LAMC2: variants seen among roughly 807,000 people sequenced by gnomAD.
The protein encoded by LAMC2 is laminin subunit gamma 2, also known as laminin subunit gamma-2.
Under a neutral mutation model 140.2 loss-of-function variants are expected in LAMC2, and 97 were observed. The ratio of observed to expected loss-of-function variants is 0.69; its 90% confidence interval spans 0.59 to 0.82. The LOEUF is 0.82. Ranked by LOEUF, LAMC2 falls within the 40% of genes least tolerant of loss-of-function variation. LAMC2 has a pLI of 0.00. For missense variants in LAMC2, 1,402 were observed against 1,476.1 expected (o/e 0.95, Z 0.82); for synonymous variants, 513 against 540.2 (o/e 0.95, Z 0.70).
intron 2 of LAMC2, among the ~76,000 whole-genome samples, chr1:183,208,350 C>G (rs1218066886): frequency 1.3e-5 from 2 of 152,114 alleles, no homozygotes; most frequent in Non-Finnish European, 2.9e-5. Flanking sequence ...GTCTTGAATT[C>G]TAATACAAAG....
At chr1:183,246,232 G>C (rs1660240586), downstream of LAMC2, among the ~76,000 whole-genome samples, 1 of 151,742 alleles carries the variant, frequency 6.6e-6, no homozygotes, top group Non-Finnish European at 1.5e-5. Context: ...TGATACCTGA[G>C]GAGAGATGGG....
chr1:183,188,629 T>C (rs545044034), intron 1 of LAMC2, among the ~76,000 whole-genome samples: 6 of 152,198 alleles, frequency 3.9e-5, no homozygotes, highest in Non-Finnish European at 8.8e-5. Flanking sequence ...GGATGAACAA[T>C]TACTGTAAAG....
intron 1 of LAMC2, among the ~76,000 whole-genome samples, chr1:183,202,223 CAAA>C (rs199561774): frequency 8.4e-5 from 12 of 142,386 alleles, no homozygotes; most frequent in South Asian, 2.2e-4. Flanking sequence ...ACAACAACAA[CAAA>C]AAAAAAAAAA....
chr1:183,224,378 C>T (rs1256061989), intron 7 of LAMC2, among the ~76,000 whole-genome samples: 1 of 152,156 alleles, frequency 6.6e-6, no homozygotes, highest in East Asian at 1.9e-4. Flanking sequence ...CCTTGTGTGT[C>T]ATGTCAAGGA....
At chr1:183,217,378 CAAACA>C (rs1018182995) in intron 3 of LAMC2, among the ~76,000 whole-genome samples, 6 of 151,568 alleles carry the variant, frequency 4.0e-5, no homozygotes, top group Admixed American at 2.6e-4. Context: ...AACAAACAAA[CAAACA>C]AAAGTCTATT....
the LAMC2 span, among the ~76,000 whole-genome samples, chr1:183,257,816 T>C: frequency 6.6e-6 from 1 of 151,962 alleles, no homozygotes; most frequent in Admixed American, 6.6e-5. Flanking sequence ...CAACTCTTCA[T>C]TTTATTAATT....
At chr1:183,188,463 GTTGGGCTCAGCTAAAGCACAGGC>G in intron 1 of LAMC2, among the ~76,000 whole-genome samples, 1 of 152,296 alleles carries the variant, frequency 6.6e-6, no homozygotes, top group African/African-American at 2.4e-5. Context: ...AGACTTCAGG[GTTGGGCTCAGCTAAAGCACAGGC>G]TTTAGAGTCA....
chr1:183,256,018 G>A, the LAMC2 span, among the ~76,000 whole-genome samples: 1 of 152,132 alleles, frequency 6.6e-6, no homozygotes. Flanking sequence ...AGTGGGAATA[G>A]TGGGCATTCT....
downstream of LAMC2, among the ~76,000 whole-genome samples, chr1:183,245,722 G>A (rs539929679): frequency 7.9e-5 from 12 of 152,338 alleles, no homozygotes; most frequent in East Asian, 1.7e-3. Flanking sequence ...TCTACATTAT[G>A]AAAGGAGAAA....
chr1:183,251,590 T>C, the LAMC2 span: 1 of 152,748 alleles, frequency 6.5e-6, no homozygotes, highest in Admixed American at 6.5e-5. Flanking sequence ...GGAATGTGTC[T>C]AAGCATGGCC....
rs762462840 is a variant in LAMC2 at position 183,238,439 on chromosome 1, C to T, written c.2869+18C>T. ...CCTCAGAGGTTAGTACTTCATGGTTCAGGTCACTTGAGTATTTTAAGTGTA... is the reference window on the plus strand; with the variant it reads ...CCTCAGAGGTTAGTACTTCATGGTTTAGGTCACTTGAGTATTTTAAGTGTA... On this transcript the variant is annotated intron_variant, in intron 19 of 22. Coordinates refer to ENST00000264144, the MANE Select transcript of LAMC2 (RefSeq NM_005562.3). 2.5e-5 allele frequency: 39 copies of T among 1,529,968 alleles called. No homozygotes were observed. Among genetic ancestry groups the T allele is most frequent in the Non-Finnish European group, 3.4e-5 (38 of 1,103,156 alleles). The allele number at this position is 1,529,968 out of a possible 1,614,324, so 94.8% of individuals were successfully genotyped here. A position where few individuals can be genotyped will look rare whatever the true frequency, so the allele number is the denominator to read the frequency against.
At chr1:183,250,283 C>CG in the LAMC2 span, 2 of 152,274 alleles carry the variant, frequency 1.3e-5, no homozygotes, top group Non-Finnish European at 2.9e-5. Flanking sequence ...CACAAAGCAA[C>CG]TCTTTCTTGG....
At position 183,235,680 on chromosome 1, in the gene LAMC2, A is replaced by T; in HGVS notation, c.2406A>T (p.Gly802=). The T allele has an allele frequency of 6.2e-7, 1 of 1,614,260 alleles. No homozygotes were observed. Among genetic ancestry groups the T allele is most frequent in the Non-Finnish European group, 8.5e-7 (1 of 1,180,046 alleles). ...GCAAGGCCCTGCATGAAGGAGTCGG[A>T]AGCGGAAGCGGTAGCCCGGACGGTG... The part of the protein sequence containing the change: ...LVRKALHEGV[G]SGSGSPDGAV... Residue 802 remains glycine (G), a synonymous_variant, in exon 16 of 23, where the codon GGA becomes GGT. Coordinates refer to ENST00000264144, the MANE Select transcript of LAMC2 (RefSeq NM_005562.3).
At chr1:183,213,478 C>T (rs1445990884) in intron 2 of LAMC2, among the ~76,000 whole-genome samples, 1 of 152,182 alleles carries the variant, frequency 6.6e-6, no homozygotes, top group Non-Finnish European at 1.5e-5. Flanking sequence ...CCCTTGGCTT[C>T]ATAGACTATG....
At chr1:183,230,911 A>G in intron 11 of LAMC2, 50 bp from the exon 12 acceptor site, 1 of 1,610,518 alleles carries the variant, frequency 6.2e-7, no homozygotes, top group Non-Finnish European at 8.5e-7. Context: ...CTCTACCTCC[A>G]CTTTCTAGAC....
At chr1:183,206,651 C>CAA (rs34536054) in intron 1 of LAMC2, among the ~76,000 whole-genome samples, 43,159 of 125,572 alleles carry the variant, frequency 0.34, 7,201 homozygotes, top group Middle Eastern at 0.42. Flanking sequence ...GACTTGGTCT[C>CAA]AAAAAAAAAA....
At chr1:183,213,337 C>T (rs370973142) in intron 2 of LAMC2, among the ~76,000 whole-genome samples, 2 of 152,186 alleles carry the variant, frequency 1.3e-5, no homozygotes, top group African/African-American at 4.8e-5. Context: ...TTTCACATTC[C>T]ACATGCTGCA....
the LAMC2 span, among the ~76,000 whole-genome samples, chr1:183,258,306 G>C: frequency 6.6e-6 from 1 of 152,192 alleles, no homozygotes; most frequent in Non-Finnish European, 1.5e-5. Flanking sequence ...AGGCATCTGA[G>C]CCCTGCCTGT....
At chr1:183,226,575 A>G in intron 8 of LAMC2, 123 bp from the exon 9 acceptor site, 1 of 842,554 alleles carries the variant, frequency 1.2e-6, no homozygotes, top group South Asian at 1.4e-5. Context: ...TCTACATGGC[A>G]TGATATATGA....
Sources: gnomAD v4.1 joint callset for allele counts (sites outside exome capture counted in the v4.1 genomes callset) on GRCh38, gnomAD v4.1.1 for gene constraint, MANE v1.5 for transcripts, NCBI Gene and HGNC (gene_info 2026-07-23, HGNC 2026-07-21) for gene names.